Variants in TBC1D5 observed in about 807,000 individuals in gnomAD.
TBC1D5 encodes the protein TBC1 domain family, member 5.
Under a neutral mutation model 100.3 loss-of-function variants are expected in TBC1D5, and 75 were observed. The ratio of observed to expected loss-of-function variants is 0.75; its 90% confidence interval spans 0.62 to 0.91. The LOEUF is 0.91. Among genes scored for constraint, TBC1D5 ranks in the 40% least tolerant of loss-of-function variants. The pLI is 0.00. For missense variants in TBC1D5, 910 were observed against 942.4 expected, an observed-to-expected ratio of 0.97 and a Z score of 0.45; for synonymous variants, 323 against 325.6, an observed-to-expected ratio of 0.99 and a Z score of 0.09.
chr3:17,194,639 G>T (rs2125689131), intron 18 of TBC1D5, among the ~76,000 whole-genome samples: 1 of 152,162 alleles, frequency 6.6e-6, no homozygotes, highest in South Asian at 2.1e-4. Flanking sequence ...AAAAGGAAAT[G>T]GCAAAAATAC....
At chr3:17,627,278 G>A (rs1218750838) in intron 1 of TBC1D5, among the ~76,000 whole-genome samples, 1 of 152,158 alleles carries the variant, frequency 6.6e-6, no homozygotes, top group African/African-American at 2.4e-5. Flanking sequence ...ACAGTGGCAA[G>A]ACGATGCTTC....
chr3:17,166,549 C>T (rs954493290), intron 21 of TBC1D5, among the ~76,000 whole-genome samples: 3 of 152,328 alleles, frequency 2.0e-5, no homozygotes, highest in African/African-American at 4.8e-5. Context: ...ACGCACCGCA[C>T]GGCTCTAGGA....
At chr3:17,343,942 A>G (rs1250206787) in intron 13 of TBC1D5, among the ~76,000 whole-genome samples, 2 of 151,924 alleles carry the variant, frequency 1.3e-5, no homozygotes, top group African/African-American at 2.4e-5. Flanking sequence ...TAATTTTTTG[A>G]AGGGTTTTTT....
chr3:17,242,971 A>G (rs1437569374), intron 16 of TBC1D5, among the ~76,000 whole-genome samples: 1 of 152,174 alleles, frequency 6.6e-6, no homozygotes, highest in East Asian at 1.9e-4. Flanking sequence ...TTGTTAATGT[A>G]TGTCAGTACC....
At chr3:17,558,280 T>C (rs2096535094) in intron 2 of TBC1D5, among the ~76,000 whole-genome samples, 1 of 152,144 alleles carries the variant, frequency 6.6e-6, no homozygotes, top group South Asian at 2.1e-4. Flanking sequence ...AATAAGGAAA[T>C]CTTTATGGAA....
intron 19 of TBC1D5, among the ~76,000 whole-genome samples, chr3:17,168,339 T>C (rs1173207437): frequency 6.6e-6 from 1 of 152,254 alleles, no homozygotes; most frequent in Non-Finnish European, 1.5e-5. Flanking sequence ...TCCAAACTCA[T>C]GGCACTACAG....
chr3:17,164,498 G>A (rs2066399172), intron 21 of TBC1D5, among the ~76,000 whole-genome samples: 1 of 152,246 alleles, frequency 6.6e-6, no homozygotes, highest in South Asian at 2.1e-4. Context: ...GAGCTCATGA[G>A]AGCAGGGGAT....
intron 1 of TBC1D5, among the ~76,000 whole-genome samples, chr3:17,694,211 G>C (rs1260721493): frequency 6.6e-6 from 1 of 152,198 alleles, no homozygotes; most frequent in Non-Finnish European, 1.5e-5. Context: ...GCAGCTCCTT[G>C]CCAGCAATGG....
At chr3:17,219,030 C>T (rs537933379) in intron 17 of TBC1D5, among the ~76,000 whole-genome samples, 1 of 151,648 alleles carries the variant, frequency 6.6e-6, no homozygotes, top group Admixed American at 6.6e-5. Context: ...CTGAGGCTCT[C>T]ACTATCTGTA....
intron 2 of TBC1D5, among the ~76,000 whole-genome samples, chr3:17,556,337 C>CA (rs1048902215): frequency 6.6e-6 from 1 of 151,988 alleles, no homozygotes; most frequent in Non-Finnish European, 1.5e-5. Flanking sequence ...TTTAAGCCTA[C>CA]AAAAAAATAA....
chr3:17,342,599 A>G (rs1022840166), intron 13 of TBC1D5, among the ~76,000 whole-genome samples: 10 of 152,192 alleles, frequency 6.6e-5, no homozygotes, highest in African/African-American at 2.4e-4. Context: ...ATTAAAATAA[A>G]TTTTTCCTTA....
At chr3:17,404,610 G>A in intron 7 of TBC1D5, 84 bp downstream of exon 7, 1 of 1,203,412 alleles carries the variant, frequency 8.3e-7, no homozygotes, top group Non-Finnish European at 1.2e-6. Flanking sequence ...GAAATATATT[G>A]CTTTCATGGT....
chr3:17,501,335 A>G (rs748457939), intron 3 of TBC1D5, among the ~76,000 whole-genome samples: 1 of 149,738 alleles, frequency 6.7e-6, no homozygotes, highest in Non-Finnish European at 1.5e-5. Flanking sequence ...TAATGCACTT[A>G]TCAAACACAT....
At chr3:17,574,296 T>A (rs1268086422) in intron 2 of TBC1D5, among the ~76,000 whole-genome samples, 1 of 152,008 alleles carries the variant, frequency 6.6e-6, no homozygotes, top group Non-Finnish European at 1.5e-5. Context: ...CCTCATCTGT[T>A]CCCCCGTTGA....
chr3:17,425,576 C>A (rs2094316541), intron 4 of TBC1D5, among the ~76,000 whole-genome samples: 1 of 152,116 alleles, frequency 6.6e-6, no homozygotes, highest in Non-Finnish European at 1.5e-5. Context: ...CTGCAGTGAG[C>A]CGAGATAGTG....
At chr3:17,233,698 T>TAA (rs1559460382) in intron 17 of TBC1D5, 1 of 1,540,336 alleles carries the variant, frequency 6.5e-7, no homozygotes, top group South Asian at 1.2e-5. Context: ...GGAGGTCAGT[T>TAA]AGAGTCTGGA....
At chr3:17,296,611 ACACAGTCATATCCCC>A (rs1233893934) in intron 14 of TBC1D5, among the ~76,000 whole-genome samples, 1 of 152,234 alleles carries the variant, frequency 6.6e-6, no homozygotes, top group Non-Finnish European at 1.5e-5. Context: ...CAAAAATAAA[ACACAGTCATATCCCC>A]CACAAAAAGT....
At chr3:17,265,878 C>A (rs2078794335) in intron 15 of TBC1D5, among the ~76,000 whole-genome samples, 1 of 150,884 alleles carries the variant, frequency 6.6e-6, no homozygotes, top group South Asian at 2.1e-4. Context: ...ACAAACACTG[C>A]CAATTGCTTT....
intron 3 of TBC1D5, among the ~76,000 whole-genome samples, chr3:17,494,635 C>A (rs1181217102): frequency 6.6e-6 from 1 of 152,182 alleles, no homozygotes; most frequent in African/African-American, 2.4e-5. Context: ...CAGGGTAGCT[C>A]CGCAGGGAAA....
Sources: gnomAD v4.1 joint callset for allele counts (sites outside exome capture counted in the v4.1 genomes callset) on GRCh38, gnomAD v4.1.1 for gene constraint, MANE v1.5 for transcripts, NCBI Gene and HGNC (gene_info 2026-07-23, HGNC 2026-07-21) for gene names.